Variants in NALF1 observed in about 807,000 individuals in gnomAD.
NALF1 encodes NALCN channel auxiliary factor 1.
A neutral mutation model predicts 48.4 loss-of-function variants in NALF1; 3 were observed. The observed-to-expected ratio is 0.06, with a 90% confidence interval of 0.03 to 0.16. The LOEUF (loss-of-function observed/expected upper bound fraction) is 0.16. Among genes scored for constraint, NALF1 ranks in the 10% least tolerant of loss-of-function variants. The pLI is 1.00. For missense variants in NALF1, 526 were observed against 571.5 expected (o/e 0.92, Z 0.81); for synonymous variants, 262 against 245.7 (o/e 1.07, Z -0.62).
chr13:107,238,166 T>C (rs1319901967), intron 1 of NALF1, among the ~76,000 whole-genome samples: 3 of 152,194 alleles, frequency 2.0e-5, no homozygotes, highest in Non-Finnish European at 4.4e-5. Context: ...ATATGACTTG[T>C]TGCAGGGGTC....
chr13:107,861,439 G>A (rs1004264444), intron 1 of NALF1, among the ~76,000 whole-genome samples: 1 of 152,094 alleles, frequency 6.6e-6, no homozygotes, highest in Non-Finnish European at 1.5e-5. Context: ...AAATATTTTT[G>A]GTTCAAAATT....
intron 1 of NALF1, among the ~76,000 whole-genome samples, chr13:107,589,384 T>C (rs1174014573): frequency 1.3e-5 from 2 of 152,048 alleles, no homozygotes; most frequent in East Asian, 3.9e-4. Context: ...ATCTTTCTAC[T>C]AGGATAAATT....
At chr13:107,849,541 A>C (rs747180113) in intron 1 of NALF1, among the ~76,000 whole-genome samples, 3 of 152,146 alleles carry the variant, frequency 2.0e-5, no homozygotes, top group Non-Finnish European at 4.4e-5. Flanking sequence ...AGGCCTCTCT[A>C]TGAGGCTTGG....
rs1377363505 is a variant in NALF1 at position 107,865,952 on chromosome 13, G to A, written c.645C>T (p.Leu215=). ...QEVRSKHPTP[L]WNLSDFYLSF... is the part of the protein sequence containing the mutation. Reference sequence around the variant, plus strand: ...AAAGGTAAAAATCCGACAAGTTCCAGAGCGGAGTGGGATGCTTGCTCCTCA... The same window carrying A: ...AAAGGTAAAAATCCGACAAGTTCCAAAGCGGAGTGGGATGCTTGCTCCTCA... The change falls in exon 1 of 3, where the codon CTC becomes CTT. Residue 215 remains leucine (L), a synonymous_variant. Coordinates refer to ENST00000375915, the MANE Select transcript of NALF1 (RefSeq NM_001080396.3). The A allele has an allele frequency of 6.8e-6, 11 of 1,613,796 alleles. No homozygotes were observed. Among genetic ancestry groups the A allele is most frequent in the Non-Finnish European group, 9.3e-6 (11 of 1,180,008 alleles).
At chr13:107,862,165 A>T (rs1006166793) in intron 1 of NALF1, among the ~76,000 whole-genome samples, 11 of 152,320 alleles carry the variant, frequency 7.2e-5, no homozygotes, top group Admixed American at 2.0e-4. Flanking sequence ...GTTTGAGGGA[A>T]TAGTAACTAA....
At chr13:107,456,904 C>T (rs1884833442) in intron 1 of NALF1, among the ~76,000 whole-genome samples, 1 of 152,106 alleles carries the variant, frequency 6.6e-6, no homozygotes, top group African/African-American at 2.4e-5. Flanking sequence ...TTATCTATCA[C>T]CTTCAAGAAG....
chr13:107,174,204 T>C (rs1392373263), intron 2 of NALF1, among the ~76,000 whole-genome samples: 1 of 152,158 alleles, frequency 6.6e-6, no homozygotes, highest in Non-Finnish European at 1.5e-5. Context: ...CCCTTGTTCT[T>C]CTCATGGAAA....
chr13:107,519,121 T>C (rs1318744336), intron 1 of NALF1, among the ~76,000 whole-genome samples: 1 of 151,794 alleles, frequency 6.6e-6, no homozygotes, highest in East Asian at 1.9e-4. Flanking sequence ...CACTAAGGAA[T>C]GACTTGTGAT....
At chr13:107,303,819 G>GT (rs964366330) in intron 1 of NALF1, among the ~76,000 whole-genome samples, 23 of 151,564 alleles carry the variant, frequency 1.5e-4, no homozygotes, top group Admixed American at 4.6e-4. Flanking sequence ...AGCAGACTGA[G>GT]TTTTTTTTTC....
intron 1 of NALF1, among the ~76,000 whole-genome samples, chr13:107,680,647 C>T (rs1881271805): frequency 6.6e-6 from 1 of 151,636 alleles, no homozygotes; most frequent in South Asian, 2.1e-4. Flanking sequence ...TGAAAGTGTG[C>T]ATATGAGTGT....
chr13:107,338,668 A>G (rs890486701), intron 1 of NALF1, among the ~76,000 whole-genome samples: 11 of 152,196 alleles, frequency 7.2e-5, no homozygotes, highest in Admixed American at 3.3e-4. Context: ...GCTCTTAGGA[A>G]AGTCCTTGTC....
At chr13:107,274,713 A>C (rs1025989573) in intron 1 of NALF1, among the ~76,000 whole-genome samples, 1 of 152,118 alleles carries the variant, frequency 6.6e-6, no homozygotes, top group East Asian at 1.9e-4. Context: ...AAGTTTTTAG[A>C]GTTGGGAGTG....
intron 1 of NALF1, among the ~76,000 whole-genome samples, chr13:107,653,599 C>CA (rs1356419016): frequency 6.6e-6 from 1 of 151,700 alleles, no homozygotes; most frequent in Admixed American, 6.6e-5. Flanking sequence ...ATAGATAGGC[C>CA]ATCCCTGAAT....
At chr13:107,805,163 T>C (rs1040636568) in intron 1 of NALF1, among the ~76,000 whole-genome samples, 3 of 152,190 alleles carry the variant, frequency 2.0e-5, no homozygotes, top group East Asian at 3.8e-4. Flanking sequence ...CCTAGGTTTA[T>C]GTTTTATGAG....
chr13:107,509,982 G>A (rs1331921571), intron 1 of NALF1, among the ~76,000 whole-genome samples: 3 of 151,880 alleles, frequency 2.0e-5, no homozygotes, highest in Non-Finnish European at 4.4e-5. Flanking sequence ...AATTTTTCAT[G>A]TACTTCATAG....
At chr13:107,842,999 C>A (rs2138636371) in intron 1 of NALF1, among the ~76,000 whole-genome samples, 1 of 152,238 alleles carries the variant, frequency 6.6e-6, no homozygotes, top group Non-Finnish European at 1.5e-5. Flanking sequence ...ACTCAGGCTC[C>A]ATGGGTCATG....
chr13:107,796,817 C>T (rs562070861), intron 1 of NALF1, among the ~76,000 whole-genome samples: 26 of 152,232 alleles, frequency 1.7e-4, no homozygotes, highest in African/African-American at 5.5e-4. Context: ...AAAACATAAA[C>T]GACACCCCTC....
Position 107,660,436 on chromosome 13 carries a change from AACACACACAC to A in NALF1, c.915+205236_915+205245del, listed in dbSNP as rs201215515. ...TGACAGGGCAAGACTCTGTCTCAAA[AACACACACAC>A]ACACACACACACACACACACACACA... On this transcript the variant is annotated intron_variant, in intron 1 of 2. Coordinates refer to ENST00000375915, the MANE Select transcript of NALF1 (RefSeq NM_001080396.3). Among the ~76,000 whole-genome samples the A allele has an allele frequency of 3.4e-3, 317 of 93,680 alleles. 2 individuals carry two copies. Among genetic ancestry groups the A allele is most frequent in the Middle Eastern group, 0.014 (2 of 148 alleles). The allele number at this position is 93,680 out of a possible 152,430, so 61.5% of individuals were successfully genotyped here. A position where few individuals can be genotyped will look rare whatever the true frequency, so the allele number is the denominator to read the frequency against.
At chr13:107,200,738 T>G (rs1879495223) in intron 2 of NALF1, among the ~76,000 whole-genome samples, 1 of 152,030 alleles carries the variant, frequency 6.6e-6, no homozygotes, top group Non-Finnish European at 1.5e-5. Flanking sequence ...CTGGAGGAGG[T>G]GACTTGATCT....
Sources: allele counts gnomAD v4.1 joint callset (sites outside exome capture counted in the v4.1 genomes callset), GRCh38; gene constraint gnomAD v4.1.1; transcripts MANE v1.5; gene names NCBI Gene and HGNC (gene_info 2026-07-23, HGNC 2026-07-21).